Variants in NLGN1 observed in about 807,000 individuals in gnomAD.
The protein encoded by NLGN1 is neuroligin-1.
NLGN1 carries 12 observed loss-of-function variants against 65.5 expected under a neutral mutation model. The ratio of observed to expected loss-of-function variants is 0.18; its 90% confidence interval spans 0.12 to 0.30. NLGN1 has a LOEUF of 0.30. NLGN1 is among the 10% of genes least tolerant of loss of function. The probability of loss-of-function intolerance (pLI) is 1.00; values close to 1 mark genes in which losing one functional copy is unlikely to be tolerated. For missense variants in NLGN1, 750 were observed against 1,007.1 expected (o/e 0.74, Z 3.46); for synonymous variants, 350 against 359.5 (o/e 0.97, Z 0.30).
In NLGN1 at chr3:174,157,407, A is replaced by G. The variant is rs1345504151; in HGVS notation, c.647-117908A>G. Among the ~76,000 whole-genome samples, 37 of 151,870 alleles carry G rather than the reference A, an allele frequency of 2.4e-4. No individual in the cohort carries two copies. In the Admixed American group the frequency reaches 2.4e-3, roughly 10 times the overall value. On this transcript the variant is annotated intron_variant, in intron 4 of 6. Transcript: ENST00000457714. ...CCACTTGTGCTTATTAATAAGTATTATAAGTCACTATTAAATATGATTGAT... is the reference window on the plus strand; with the variant it reads ...CCACTTGTGCTTATTAATAAGTATTGTAAGTCACTATTAAATATGATTGAT...
At chr3:174,141,556 A>G (rs1002714121) in intron 4 of NLGN1, among the ~76,000 whole-genome samples, 1 of 152,224 alleles carries the variant, frequency 6.6e-6, no homozygotes, top group African/African-American at 2.4e-5. Context: ...GAAAAGATCC[A>G]TATGTACCTG....
intron 1 of NLGN1, among the ~76,000 whole-genome samples, chr3:173,414,188 C>T (rs141704760): frequency 2.9e-4 from 44 of 152,278 alleles, no homozygotes; most frequent in African/African-American, 1.0e-3. Context: ...GCTATGTCTG[C>T]AAGCAAACTG....
intron 2 of NLGN1, among the ~76,000 whole-genome samples, chr3:173,588,177 T>G (rs1416303331): frequency 6.6e-6 from 1 of 152,200 alleles, no homozygotes; most frequent in Non-Finnish European, 1.5e-5. Context: ...TTGTGAACAC[T>G]CATGATGAGT....
chr3:174,151,192 A>G (rs1724277425), intron 4 of NLGN1, among the ~76,000 whole-genome samples: 1 of 152,036 alleles, frequency 6.6e-6, no homozygotes, highest in Non-Finnish European at 1.5e-5. Context: ...ACTTTGAAAC[A>G]TTGGATTATA....
intron 3 of NLGN1, among the ~76,000 whole-genome samples, chr3:173,650,268 A>T (rs886899062): frequency 1.3e-5 from 2 of 152,158 alleles, no homozygotes; most frequent in Non-Finnish European, 2.9e-5. Context: ...ATCCTATGAC[A>T]GTTTTCACTA....
intron 3 of NLGN1, among the ~76,000 whole-genome samples, chr3:173,665,327 C>G (rs969016341): frequency 6.6e-6 from 1 of 152,066 alleles, no homozygotes; most frequent in African/African-American, 2.4e-5. Flanking sequence ...TGAAGAAGGA[C>G]GTAGTTGCTT....
chr3:174,053,028 C>A (rs1735260799), intron 4 of NLGN1, among the ~76,000 whole-genome samples: 1 of 151,990 alleles, frequency 6.6e-6, no homozygotes, highest in African/African-American at 2.4e-5. Context: ...CCATTCTTAT[C>A]CTCGTACTAT....
chr3:173,924,965 A>G (rs927306869), intron 4 of NLGN1, among the ~76,000 whole-genome samples: 1 of 152,174 alleles, frequency 6.6e-6, no homozygotes, highest in Non-Finnish European at 1.5e-5. Context: ...TATTACCTTT[A>G]AAAACCAATT....
At chr3:173,806,501 AATAC>A (rs1716685295) in intron 3 of NLGN1, among the ~76,000 whole-genome samples, 2 of 152,124 alleles carry the variant, frequency 1.3e-5, no homozygotes, top group Admixed American at 1.3e-4. Flanking sequence ...AAAAAAAGAT[AATAC>A]ATTTGATGTA....
chr3:173,452,145 G>A (rs1026767920), intron 2 of NLGN1, among the ~76,000 whole-genome samples: 1 of 152,038 alleles, frequency 6.6e-6, no homozygotes, highest in Non-Finnish European at 1.5e-5. Context: ...CATCTTCTGC[G>A]TCACTCGCGC....
At chr3:174,182,044 G>A (rs915989639) in intron 4 of NLGN1, among the ~76,000 whole-genome samples, 4 of 149,254 alleles carry the variant, frequency 2.7e-5, no homozygotes, top group African/African-American at 9.9e-5. Flanking sequence ...TCATTGTGCA[G>A]CAAAATGAGT....
chr3:173,840,673 T>C (rs942968693), intron 4 of NLGN1, among the ~76,000 whole-genome samples: 2 of 152,204 alleles, frequency 1.3e-5, no homozygotes, highest in Non-Finnish European at 2.9e-5. Context: ...AGGTATGCTT[T>C]AATGTCTTTG....
intron 4 of NLGN1, among the ~76,000 whole-genome samples, chr3:173,846,071 A>G (rs948441900): frequency 1.3e-5 from 2 of 151,868 alleles, no homozygotes; most frequent in Admixed American, 6.6e-5. Flanking sequence ...ATGTACCACC[A>G]CTCCTGGCTA....
chr3:173,878,999 A>G (rs1732717213), intron 4 of NLGN1, among the ~76,000 whole-genome samples: 1 of 152,092 alleles, frequency 6.6e-6, no homozygotes. Flanking sequence ...TTGGGAGGCC[A>G]TAGCATGTGG....
At chr3:174,164,852 A>T (rs549829109) in intron 4 of NLGN1, among the ~76,000 whole-genome samples, 1 of 151,746 alleles carries the variant, frequency 6.6e-6, no homozygotes, top group Non-Finnish European at 1.5e-5. Flanking sequence ...TGACATTCCA[A>T]TGCTGTGTAA....
At chr3:173,592,380 C>T (rs1199420109) in intron 2 of NLGN1, among the ~76,000 whole-genome samples, 1 of 152,170 alleles carries the variant, frequency 6.6e-6, no homozygotes, top group Non-Finnish European at 1.5e-5. Flanking sequence ...ATGCTGTCAC[C>T]TTAATCTTTT....
chr3:174,146,804 G>A (rs1249431188), intron 4 of NLGN1, among the ~76,000 whole-genome samples: 1 of 151,902 alleles, frequency 6.6e-6, no homozygotes, highest in Non-Finnish European at 1.5e-5. Context: ...CTGACCTCAG[G>A]GCATCCACCC....
chr3:173,585,886 T>C (rs1747354716), intron 2 of NLGN1, among the ~76,000 whole-genome samples: 1 of 152,228 alleles, frequency 6.6e-6, no homozygotes, highest in African/African-American at 2.4e-5. Context: ...GAAAAACTCA[T>C]CTTTATTTGC....
At chr3:173,846,035 C>T (rs919606044) in intron 4 of NLGN1, among the ~76,000 whole-genome samples, 2 of 152,030 alleles carry the variant, frequency 1.3e-5, no homozygotes, top group East Asian at 1.9e-4. Context: ...CCTGCCTCAG[C>T]CTTCTGAGCA....
Sources: gnomAD v4.1 joint callset for allele counts (sites outside exome capture counted in the v4.1 genomes callset) on GRCh38, gnomAD v4.1.1 for gene constraint, MANE v1.5 for transcripts, NCBI Gene and HGNC (gene_info 2026-07-23, HGNC 2026-07-21) for gene names.